Variants in RCAN2 observed in about 807,000 individuals in gnomAD.
RCAN2 encodes the protein calcipressin-2.
A neutral mutation model predicts 23.6 loss-of-function variants in RCAN2; 9 were observed. That is an observed-to-expected ratio of 0.38 (90% confidence interval 0.23 to 0.67). The LOEUF (loss-of-function observed/expected upper bound fraction) is 0.67. Ranked by LOEUF, RCAN2 falls within the 30% of genes least tolerant of loss-of-function variation. RCAN2 has a pLI of 0.51. For synonymous variants in RCAN2, 109 were observed against 115.7 expected, an observed-to-expected ratio of 0.94 and a Z score of 0.37; for missense variants, 273 against 302.3, an observed-to-expected ratio of 0.90 and a Z score of 0.72.
intron 2 of RCAN2, among the ~76,000 whole-genome samples, chr6:46,402,379 T>A (rs960142830): frequency 6.6e-6 from 1 of 152,202 alleles, no homozygotes; most frequent in Non-Finnish European, 1.5e-5. Flanking sequence ...TCTACCCTCC[T>A]GCCTTCCAGT....
At chr6:46,315,359 AT>A (rs1763398206) in intron 2 of RCAN2, among the ~76,000 whole-genome samples, 1 of 152,152 alleles carries the variant, frequency 6.6e-6, no homozygotes, top group Non-Finnish European at 1.5e-5. Flanking sequence ...ACATCTTGTG[AT>A]TGTGTTGAAA....
chr6:46,330,942 T>A (rs936878275), intron 2 of RCAN2, among the ~76,000 whole-genome samples: 2 of 152,204 alleles, frequency 1.3e-5, no homozygotes, highest in African/African-American at 4.8e-5. Flanking sequence ...TCCTAGATGG[T>A]GCTATGTGTA....
chr6:46,426,039 C>T (rs957064175), intron 2 of RCAN2, among the ~76,000 whole-genome samples: 1 of 151,758 alleles, frequency 6.6e-6, no homozygotes, highest in African/African-American at 2.4e-5. Context: ...GCTAGGACTA[C>T]AGGTGCCCAC....
intron 2 of RCAN2, among the ~76,000 whole-genome samples, chr6:46,343,637 A>C (rs954023807): frequency 2.0e-4 from 31 of 152,156 alleles, no homozygotes; most frequent in Admixed American, 1.8e-3. Flanking sequence ...AGCCTCCCAA[A>C]GTGCTGGAAT....
At chr6:46,357,308 T>C (rs1764862243) in intron 2 of RCAN2, among the ~76,000 whole-genome samples, 1 of 152,188 alleles carries the variant, frequency 6.6e-6, no homozygotes, top group African/African-American at 2.4e-5. Context: ...GATAGAAGTG[T>C]CCATTTCTGC....
chr6:46,472,525 C>T (rs931827859), intron 1 of RCAN2, among the ~76,000 whole-genome samples: 9 of 152,142 alleles, frequency 5.9e-5, no homozygotes, highest in African/African-American at 1.4e-4. Flanking sequence ...AGCCAGGCAA[C>T]GGAGAGGACA....
chr6:46,226,311 G>A (rs932125613), intron 4 of RCAN2, among the ~76,000 whole-genome samples: 4 of 152,048 alleles, frequency 2.6e-5, no homozygotes, highest in Admixed American at 1.3e-4. Flanking sequence ...AGTTTTTCCA[G>A]TTCTGTGAAG....
At chr6:46,404,166 G>T (rs1279273087) in intron 2 of RCAN2, among the ~76,000 whole-genome samples, 4 of 152,122 alleles carry the variant, frequency 2.6e-5, no homozygotes, top group Non-Finnish European at 4.4e-5. Flanking sequence ...AGGTTGCAGG[G>T]AGCTGAGACT....
chr6:46,258,836 A>G (rs190336029), intron 2 of RCAN2, among the ~76,000 whole-genome samples: 30 of 152,298 alleles, frequency 2.0e-4, no homozygotes, highest in Admixed American at 1.8e-3. Context: ...AAAAAACTCC[A>G]AGCCAACAAA....
chr6:46,490,903 A>ACCCGCGCC (rs1168259195), intron 1 of RCAN2, among the ~76,000 whole-genome samples: 1 of 151,438 alleles, frequency 6.6e-6, no homozygotes, highest in Non-Finnish European at 1.5e-5. Flanking sequence ...GCTCCTTTGG[A>ACCCGCGCC]CCCGCGCCCC....
At chr6:46,338,032 G>A (rs746422456) in intron 2 of RCAN2, among the ~76,000 whole-genome samples, 1 of 152,136 alleles carries the variant, frequency 6.6e-6, no homozygotes, top group Non-Finnish European at 1.5e-5. Context: ...AGGAGTAGAG[G>A]GATGCTGGGC....
chr6:46,409,733 C>A (rs574379155), intron 2 of RCAN2, among the ~76,000 whole-genome samples: 1 of 152,208 alleles, frequency 6.6e-6, no homozygotes, highest in Admixed American at 6.5e-5. Flanking sequence ...TGTACATAAA[C>A]GTTCATAAAA....
intron 2 of RCAN2, among the ~76,000 whole-genome samples, chr6:46,324,276 T>C (rs987392680): frequency 1.3e-5 from 2 of 152,234 alleles, no homozygotes; most frequent in African/African-American, 4.8e-5. Flanking sequence ...CAGGGCTACA[T>C]GTTTAAAATA....
chr6:46,489,892 T>A (rs1769094391), intron 1 of RCAN2, among the ~76,000 whole-genome samples: 1 of 152,190 alleles, frequency 6.6e-6, no homozygotes, highest in Admixed American at 6.5e-5. Flanking sequence ...ATAATAGCTC[T>A]AAGGCTAAAG....
chr6:46,428,276 T>C (rs1219591346), intron 2 of RCAN2, among the ~76,000 whole-genome samples: 1 of 152,176 alleles, frequency 6.6e-6, no homozygotes, highest in Non-Finnish European at 1.5e-5. Context: ...CAAATATTTT[T>C]ACTCCCTGAT....
At chr6:46,370,037 G>A (rs914769615) in intron 2 of RCAN2, among the ~76,000 whole-genome samples, 1 of 152,138 alleles carries the variant, frequency 6.6e-6, no homozygotes, top group Admixed American at 6.5e-5. Context: ...GGCACAGGGG[G>A]CAGGTCTCAG....
At chr6:46,289,559 CAG>C in intron 2 of RCAN2, among the ~76,000 whole-genome samples, 1 of 152,282 alleles carries the variant, frequency 6.6e-6, no homozygotes, top group South Asian at 2.1e-4. Context: ...GGGTATCACG[CAG>C]ATACTTCTTC....
At chr6:46,354,941 G>T (rs954960412) in intron 2 of RCAN2, among the ~76,000 whole-genome samples, 1 of 146,722 alleles carries the variant, frequency 6.8e-6, no homozygotes, top group Non-Finnish European at 1.5e-5. Flanking sequence ...GTGTGTGTGT[G>T]TGTGTTAGGC....
intron 1 of RCAN2, among the ~76,000 whole-genome samples, chr6:46,487,884 T>C (rs1769039847): frequency 1.3e-5 from 2 of 152,182 alleles, no homozygotes; most frequent in Admixed American, 1.3e-4. Flanking sequence ...AAACCAATGG[T>C]TCTAGTAGCA....
Sources: allele counts gnomAD v4.1 joint callset (sites outside exome capture counted in the v4.1 genomes callset), GRCh38; gene constraint gnomAD v4.1.1; transcripts MANE v1.5; gene names NCBI Gene and HGNC (gene_info 2026-07-23, HGNC 2026-07-21).